PPP2R2D: variants seen among roughly 807,000 people sequenced by gnomAD.
PPP2R2D encodes the protein serine/threonine-protein phosphatase 2A 55 kDa regulatory subunit B delta isoform.
A neutral mutation model predicts 31.1 loss-of-function variants in PPP2R2D; 9 were observed. The observed-to-expected ratio is 0.29, with a 90% CI of 0.17 to 0.51. The LOEUF (loss-of-function observed/expected upper bound fraction) is 0.51, where lower values mean the gene tolerates loss of function less well. Ranked by LOEUF, PPP2R2D falls within the 20% of genes least tolerant of loss-of-function variation. The pLI, the probability that PPP2R2D is intolerant of heterozygous loss-of-function variation, is 0.98. For missense variants in PPP2R2D, 391 were observed against 465.6 expected (o/e 0.84, Z 1.48); for synonymous variants, 179 against 172.6 (o/e 1.04, Z -0.29).
At chr10:131,927,568 C>G (rs1281528727) in intron 2 of PPP2R2D, among the ~76,000 whole-genome samples, 11 of 152,218 alleles carry the variant, frequency 7.2e-5, no homozygotes, top group Non-Finnish European at 1.6e-4. Flanking sequence ...ATATGCAGTA[C>G]TGACTGTCGC....
chr10:131,966,498 T>C, the PPP2R2D span: 1 of 152,218 alleles, frequency 6.6e-6, no homozygotes, highest in East Asian at 1.9e-4. Flanking sequence ...TGTTACAATC[T>C]AACGAAAAAC....
In PPP2R2D at chr10:131,937,830, G is replaced by A. The variant is rs559656843; in HGVS notation, c.199-2201G>A. ...CTCCCTTGAAATAGAACTGTCTGTT[G>A]AGGGGCTGTGCTTTTTTGTAGAGTG... On this transcript the variant is annotated intron_variant, in intron 3 of 8. Coordinates refer to ENST00000455566, the MANE Select transcript of PPP2R2D (RefSeq NM_018461.5). 2.6e-3 allele frequency among the ~76,000 whole-genome samples: 402 copies of A among 152,336 alleles called. 5 individuals carry two copies. Among genetic ancestry groups the A allele is most frequent in the African/African-American group, 9.1e-3 (379 of 41,570 alleles).
At chr10:131,935,802 G>A (rs928862045) in intron 3 of PPP2R2D, among the ~76,000 whole-genome samples, 4 of 152,100 alleles carry the variant, frequency 2.6e-5, no homozygotes, top group African/African-American at 7.2e-5. Flanking sequence ...AGTGGCTCAC[G>A]CCTGTAATCC....
chr10:131,971,212 A>C, the PPP2R2D span: 1 of 527,690 alleles, frequency 1.9e-6, no homozygotes, highest in Non-Finnish European at 3.4e-6. Context: ...GGGGAGCCCC[A>C]CTCAGGGCGT....
At chr10:131,922,320 A>G (rs1287202060) in intron 2 of PPP2R2D, among the ~76,000 whole-genome samples, 2 of 152,232 alleles carry the variant, frequency 1.3e-5, no homozygotes, top group East Asian at 3.8e-4. Context: ...AAAAGAGTGA[A>G]TGTTAAGTAT....
At chr10:131,920,661 C>A (rs1301460494) in intron 2 of PPP2R2D, among the ~76,000 whole-genome samples, 2 of 152,196 alleles carry the variant, frequency 1.3e-5, no homozygotes, top group African/African-American at 4.8e-5. Flanking sequence ...GGCACAGTAT[C>A]TCACGCCTGT....
chr10:131,919,834 G>A (rs1321847494), intron 2 of PPP2R2D, among the ~76,000 whole-genome samples: 20 of 136,556 alleles, frequency 1.5e-4, no homozygotes, highest in Non-Finnish European at 3.1e-5. Context: ...GTGTTTGTAG[G>A]GACCTCAGGT....
At chr10:131,942,448 C>T (rs2036459034) in intron 5 of PPP2R2D, among the ~76,000 whole-genome samples, 1 of 152,230 alleles carries the variant, frequency 6.6e-6, no homozygotes, top group Non-Finnish European at 1.5e-5. Context: ...GAGATCTTAC[C>T]TCTCTAACAG....
At chr10:131,949,216 C>T (rs1000179267) in intron 8 of PPP2R2D, among the ~76,000 whole-genome samples, 1 of 152,192 alleles carries the variant, frequency 6.6e-6, no homozygotes, top group Non-Finnish European at 1.5e-5. Flanking sequence ...GCCTGGGTTC[C>T]CCACGGGTGG....
intron 2 of PPP2R2D, among the ~76,000 whole-genome samples, chr10:131,933,821 G>T (rs2119819855): frequency 6.6e-6 from 1 of 152,132 alleles, no homozygotes; most frequent in Admixed American, 6.5e-5. Context: ...TCTGCCCCGG[G>T]GTCTTGGCCT....
In PPP2R2D at chr10:131,934,319, T is replaced by C. The variant is rs1424553069; in HGVS notation, c.101-139T>C. Reference sequence around the variant, plus strand: ...AAGTGGCCACTTGGTAATTACAAGTTTGCCAAGACAGTTTTGCTTTAGTCT... The same window carrying C: ...AAGTGGCCACTTGGTAATTACAAGTCTGCCAAGACAGTTTTGCTTTAGTCT... On this transcript the variant is annotated intron_variant, in intron 2 of 8. Coordinates refer to ENST00000455566, the MANE Select transcript of PPP2R2D (RefSeq NM_018461.5). 1.3e-5 allele frequency: 8 copies of C among 600,562 alleles called. No homozygotes were observed. In the African/African-American group the frequency reaches 1.5e-4, roughly 11 times the overall value. The allele number at this position is 600,562 out of a possible 1,614,324, so 37.2% of individuals were successfully genotyped here.
chr10:131,943,900 A>G (rs1471439396), intron 5 of PPP2R2D, 68 bp from the exon 6 acceptor site: 9 of 720,780 alleles, frequency 1.2e-5, no homozygotes, highest in Non-Finnish European at 2.0e-5. Flanking sequence ...TTCGTTATCT[A>G]CTATAAGTGT....
chr10:131,963,744 C>CT (rs575466012), downstream of PPP2R2D, among the ~76,000 whole-genome samples: 459 of 152,226 alleles, frequency 3.0e-3, 1 homozygote, highest in Middle Eastern at 6.8e-3. Flanking sequence ...AAAAAGGTAT[C>CT]TTCTATTTAT....
the PPP2R2D span, chr10:131,970,713 C>T: frequency 6.2e-7 from 1 of 1,614,182 alleles, no homozygotes; most frequent in Non-Finnish European, 8.5e-7. This position sits in a 1 kb window ranked among gnomAD's most constrained non-coding sequence, Gnocchi z 4.1. Flanking sequence ...AGAGAATATG[C>T]CCCCTTTCTT....
At chr10:131,970,937 C>T in the PPP2R2D span, 4 of 1,614,204 alleles carry the variant, frequency 2.5e-6, no homozygotes, top group South Asian at 1.1e-5. This position sits in a 1 kb window ranked among gnomAD's most constrained non-coding sequence, Gnocchi z 4.1. Context: ...ATGCTTTCAA[C>T]TTCTTTCCTT....
At chr10:131,915,221 GTAA>G (rs1224943208) in intron 2 of PPP2R2D, among the ~76,000 whole-genome samples, 3 of 151,922 alleles carry the variant, frequency 2.0e-5, no homozygotes, top group Non-Finnish European at 2.9e-5. Flanking sequence ...AACTCAGCTA[GTAA>G]TAATGATTGA....
chr10:131,929,528 C>A (rs1554895389), intron 2 of PPP2R2D, among the ~76,000 whole-genome samples: 1 of 152,178 alleles, frequency 6.6e-6, no homozygotes, highest in African/African-American at 2.4e-5. Flanking sequence ...ACTCTTCTCT[C>A]TTCTGAGGGG....
intron 2 of PPP2R2D, among the ~76,000 whole-genome samples, chr10:131,916,553 GC>G (rs1185925077): frequency 1.3e-5 from 2 of 151,876 alleles, no homozygotes; most frequent in African/African-American, 4.8e-5. Flanking sequence ...CCCTTCCCCG[GC>G]CCCTGGCGAC....
intron 2 of PPP2R2D, among the ~76,000 whole-genome samples, chr10:131,909,266 A>G (rs931397038): frequency 6.6e-6 from 1 of 152,200 alleles, no homozygotes; most frequent in African/African-American, 2.4e-5. Flanking sequence ...GATGATGAAT[A>G]AAGGACTTGA....
Sources: gnomAD v4.1 joint callset for allele counts (sites outside exome capture counted in the v4.1 genomes callset) on GRCh38, gnomAD v4.1.1 for gene constraint, Gnocchi (gnomAD v3.1) non-coding constraint, MANE v1.5 for transcripts, NCBI Gene and HGNC (gene_info 2026-07-23, HGNC 2026-07-21) for gene names.